RIT2: variants seen among roughly 807,000 people sequenced by gnomAD.
RIT2 encodes the protein GTP-binding protein Rit2.
RIT2 carries 24 observed loss-of-function variants against 23.7 expected under a neutral mutation model. The observed-to-expected ratio is 1.01, with a 90% CI of 0.73 to 1.43. The LOEUF is 1.43. RIT2 is among the 40% of genes most tolerant of loss of function. RIT2 has a pLI of 0.00. For synonymous variants in RIT2, 107 were observed against 91.1 expected, an observed-to-expected ratio of 1.17 and a Z score of -0.99; for missense variants, 236 against 266.9, an observed-to-expected ratio of 0.88 and a Z score of 0.81.
In RIT2 at chr18:43,084,965, C is replaced by A. The variant is rs187349708; in HGVS notation, c.103+30452G>T. Among the ~76,000 whole-genome samples the A allele has an allele frequency of 2.0e-5, 3 of 151,960 alleles. No homozygotes were observed. In the East Asian group the frequency reaches 5.8e-4, roughly 30 times the overall value. On this transcript the variant is annotated intron_variant, in intron 1 of 4. Coordinates refer to ENST00000326695, the MANE Select transcript of RIT2 (RefSeq NM_002930.4). ...AGGGTTTCTGTAGCCTGCACCATGG[C>A]CATGTGTGAGGAGCAGTGGGAGTAT... is the stretch of plus-strand genomic sequence containing the variant.
At chr18:43,018,547 A>T (rs138447428) in intron 2 of RIT2, among the ~76,000 whole-genome samples, 1 of 152,170 alleles carries the variant, frequency 6.6e-6, no homozygotes, top group East Asian at 1.9e-4. Flanking sequence ...GGCACATAGA[A>T]GGGAACCCCC....
chr18:42,900,493 T>A (rs1908447019), intron 4 of RIT2, among the ~76,000 whole-genome samples: 3 of 152,016 alleles, frequency 2.0e-5, no homozygotes, highest in Non-Finnish European at 4.4e-5. Context: ...TATGCCTTTT[T>A]AAAAAAGAGA....
At chr18:42,890,815 T>A (rs1908152375) in intron 4 of RIT2, among the ~76,000 whole-genome samples, 1 of 152,092 alleles carries the variant, frequency 6.6e-6, no homozygotes, top group South Asian at 2.1e-4. Flanking sequence ...ATAAATCAAC[T>A]TACCTCTGCC....
At chr18:43,065,770 G>A (rs908861300) in intron 1 of RIT2, among the ~76,000 whole-genome samples, 2 of 149,884 alleles carry the variant, frequency 1.3e-5, no homozygotes, top group African/African-American at 4.9e-5. Context: ...GATCATGGAA[G>A]GTTTTATAGA....
chr18:42,936,852 A>T (rs1909471791), intron 3 of RIT2, among the ~76,000 whole-genome samples: 1 of 152,102 alleles, frequency 6.6e-6, no homozygotes, highest in African/African-American at 2.4e-5. Context: ...TCTCTACTAA[A>T]TATACAAAAA....
At chr18:43,051,642 C>T (rs1261564320) in intron 1 of RIT2, among the ~76,000 whole-genome samples, 1 of 151,944 alleles carries the variant, frequency 6.6e-6, no homozygotes, top group African/African-American at 2.4e-5. Flanking sequence ...CTATGAAAAA[C>T]TTTTTTAGTG....
intron 1 of RIT2, among the ~76,000 whole-genome samples, chr18:43,074,185 T>A (rs1438086288): frequency 6.6e-6 from 1 of 152,122 alleles, no homozygotes; most frequent in Non-Finnish European, 1.5e-5. Flanking sequence ...AAAGTAGAGA[T>A]CAACTAAATT....
At chr18:42,956,026 A>G (rs1909962872) in intron 3 of RIT2, among the ~76,000 whole-genome samples, 1 of 152,134 alleles carries the variant, frequency 6.6e-6, no homozygotes, top group Admixed American at 6.6e-5. Flanking sequence ...GGGGTGCTTA[A>G]AAGTTACCCT....
intron 1 of RIT2, among the ~76,000 whole-genome samples, chr18:43,063,473 C>A (rs1912699799): frequency 6.6e-6 from 1 of 152,036 alleles, no homozygotes; most frequent in African/African-American, 2.4e-5. Context: ...CATTGATAAC[C>A]CTTAGGCATT....
intron 1 of RIT2, among the ~76,000 whole-genome samples, chr18:43,045,088 T>G (rs1912215657): frequency 6.6e-6 from 1 of 152,186 alleles, no homozygotes; most frequent in Admixed American, 6.5e-5. Context: ...ATTTTATCAT[T>G]TAGGATAAAC....
At chr18:42,833,994 A>G (rs149535985) in intron 4 of RIT2, among the ~76,000 whole-genome samples, 74 of 152,242 alleles carry the variant, frequency 4.9e-4, no homozygotes, top group African/African-American at 1.6e-3. Flanking sequence ...AGACTTTTCA[A>G]TAACCACTAA....
In RIT2 at chr18:42,743,602, C is replaced by T. The variant is rs148544378; in HGVS notation, c.545G>A (p.Arg182His). The T allele has an allele frequency of 0.015, 24,177 of 1,613,946 alleles. 229 individuals carry two copies. Among genetic ancestry groups the T allele is most frequent in the Non-Finnish European group, 0.019 (22,235 of 1,179,960 alleles). Residue 182 changes from arginine to histidine, a missense_variant, in exon 5 of 5, where the codon CGC becomes CAC. By Grantham distance (29) the Arg-to-His change is conservative (BLOSUM62 0). Transcript: ENST00000326695. ...DAFHGLVREIRKKESMPSLME... is the reference protein window; with the variant it reads ...DAFHGLVREIHKKESMPSLME... ...CAAGGATGGCATGGACTCCTTCTTG[C>T]GAATTTCCCTCACTAAGCCATGAAA... is the stretch of plus-strand genomic sequence containing the variant.
intron 2 of RIT2, among the ~76,000 whole-genome samples, chr18:42,976,402 G>T (rs1910478772): frequency 6.6e-6 from 1 of 152,048 alleles, no homozygotes; most frequent in Admixed American, 6.6e-5. Context: ...AGATAAATAA[G>T]ATTAATTATG....
At chr18:42,756,475 C>G (rs1913166577) in intron 4 of RIT2, among the ~76,000 whole-genome samples, 1 of 151,946 alleles carries the variant, frequency 6.6e-6, no homozygotes, top group South Asian at 2.1e-4. Context: ...CCATGGCAGC[C>G]AGTAGTTGCT....
intron 1 of RIT2, among the ~76,000 whole-genome samples, chr18:43,104,232 A>G (rs1913755529): frequency 6.6e-6 from 1 of 152,156 alleles, no homozygotes; most frequent in Admixed American, 6.5e-5. Flanking sequence ...AAATCTAAAA[A>G]AGTTGATATA....
At chr18:42,770,320 C>T (rs1213214005) in intron 4 of RIT2, among the ~76,000 whole-genome samples, 1 of 152,182 alleles carries the variant, frequency 6.6e-6, no homozygotes, top group Non-Finnish European at 1.5e-5. Context: ...GGCATAGCTT[C>T]CTATCTGAGT....
At chr18:43,085,999 C>T (rs1913275183) in intron 1 of RIT2, among the ~76,000 whole-genome samples, 1 of 152,130 alleles carries the variant, frequency 6.6e-6, no homozygotes, top group African/African-American at 2.4e-5. Flanking sequence ...ATTGTGAGTC[C>T]ATTAAACCTC....
intron 4 of RIT2, among the ~76,000 whole-genome samples, chr18:42,913,343 G>A (rs971376239): frequency 6.6e-6 from 1 of 151,756 alleles, no homozygotes; most frequent in Admixed American, 6.6e-5. Flanking sequence ...TCTGAGATTT[G>A]ATACCAAAGC....
intron 4 of RIT2, among the ~76,000 whole-genome samples, chr18:42,890,434 C>T (rs1908140399): frequency 7.0e-6 from 1 of 142,052 alleles, no homozygotes; most frequent in East Asian, 2.4e-4. Flanking sequence ...TGGCAAGAAA[C>T]TTAATTTTTG....
Sources: allele counts gnomAD v4.1 joint callset (sites outside exome capture counted in the v4.1 genomes callset), GRCh38; gene constraint gnomAD v4.1.1; transcripts MANE v1.5; gene names NCBI Gene and HGNC (gene_info 2026-07-23, HGNC 2026-07-21).